Variants in TMEM114 observed in about 807,000 individuals in gnomAD.
TMEM114 encodes the protein claudin-26.
TMEM114 carries 6 observed loss-of-function variants against 6.2 expected under a neutral mutation model. The ratio of observed to expected loss-of-function variants is 0.97; its 90% CI spans 0.53 to 1.91. The LOEUF is 1.91. Among genes scored for constraint, TMEM114 ranks in the 40% most tolerant of loss-of-function variants. TMEM114 has a pLI of 0.01. For synonymous variants in TMEM114, 104 were observed against 73.0 expected, an observed-to-expected ratio of 1.42 and a Z score of -2.16; for missense variants, 218 against 158.3, an observed-to-expected ratio of 1.38 and a Z score of -2.02.
chr16:8,576,455 GT>G (rs898762531), intron 2 of TMEM114, among the ~76,000 whole-genome samples: 5 of 152,214 alleles, frequency 3.3e-5, no homozygotes, highest in African/African-American at 1.2e-4. Flanking sequence ...CTGCAGGGGT[GT>G]CCCCACTGGT....
chr16:8,535,278 T>C (rs1473150224), downstream of TMEM114, among the ~76,000 whole-genome samples: 2 of 152,224 alleles, frequency 1.3e-5, no homozygotes, highest in Non-Finnish European at 2.9e-5. Context: ...GGTTATTGTT[T>C]ATTAAGTAGC....
At chr16:8,532,825 G>A (rs1451700131), downstream of TMEM114, among the ~76,000 whole-genome samples, 1 of 152,128 alleles carries the variant, frequency 6.6e-6, no homozygotes, top group Non-Finnish European at 1.5e-5. Flanking sequence ...TCAGGAGGCT[G>A]AGGCAGGAGA....
intron 2 of TMEM114, among the ~76,000 whole-genome samples, chr16:8,542,505 T>C (rs978548789): frequency 6.6e-6 from 1 of 152,178 alleles, no homozygotes; most frequent in African/African-American, 2.4e-5. Context: ...TTGGGCCTGA[T>C]TGAGCTAGAC....
At chr16:8,536,473 A>G (rs572290209), downstream of TMEM114, among the ~76,000 whole-genome samples, 56 of 152,264 alleles carry the variant, frequency 3.7e-4, no homozygotes, top group African/African-American at 1.3e-3. Flanking sequence ...CGGTATCTCA[A>G]CATTAGGGAA....
chr16:8,539,229 G>A (rs949890822), intron 2 of TMEM114, among the ~76,000 whole-genome samples: 4 of 152,096 alleles, frequency 2.6e-5, no homozygotes, highest in African/African-American at 9.7e-5. Flanking sequence ...ACTGCCCTCA[G>A]GGTGCTTCCA....
chr16:8,583,924 C>A (rs1211765189), intron 2 of TMEM114, among the ~76,000 whole-genome samples: 1 of 152,182 alleles, frequency 6.6e-6, no homozygotes, highest in African/African-American at 2.4e-5. Flanking sequence ...TCCCAACCCA[C>A]TCCAGTTACA....
At chr16:8,578,846 G>A (rs115807441) in intron 2 of TMEM114, among the ~76,000 whole-genome samples, 2,960 of 152,214 alleles carry the variant, frequency 0.019, 106 homozygotes, top group African/African-American at 0.069. Flanking sequence ...GGGCTTGGTG[G>A]CACAGGCCTC....
chr16:8,579,011 C>T (rs868842134), intron 2 of TMEM114, among the ~76,000 whole-genome samples: 1 of 152,140 alleles, frequency 6.6e-6, no homozygotes, highest in East Asian at 1.9e-4. Context: ...TATTGGCAGG[C>T]CATTGTTTCA....
intron 2 of TMEM114, among the ~76,000 whole-genome samples, chr16:8,559,422 A>G (rs1596476041): frequency 6.6e-6 from 1 of 152,002 alleles, no homozygotes. Flanking sequence ...GAAAAAAACA[A>G]TGGCTGCTTC....
intron 2 of TMEM114, among the ~76,000 whole-genome samples, chr16:8,577,614 C>T (rs868044483): frequency 4.7e-5 from 7 of 150,220 alleles, no homozygotes; most frequent in Non-Finnish European, 8.9e-5. Context: ...GATTGAGTCT[C>T]GCTCTGTCAC....
intron 2 of TMEM114, among the ~76,000 whole-genome samples, chr16:8,557,853 T>G (rs890583695): frequency 6.6e-6 from 1 of 152,240 alleles, no homozygotes; most frequent in Non-Finnish European, 1.5e-5. Flanking sequence ...AATCTTGTGA[T>G]ATAGTGACTT....
At chr16:8,538,874 A>C (rs1219799727) in intron 2 of TMEM114, among the ~76,000 whole-genome samples, 1 of 152,150 alleles carries the variant, frequency 6.6e-6, no homozygotes, top group African/African-American at 2.4e-5. Context: ...ATTTAATTTG[A>C]ATACAGTAGA....
At chr16:8,541,386 C>A (rs1425288261) in intron 2 of TMEM114, among the ~76,000 whole-genome samples, 1 of 152,004 alleles carries the variant, frequency 6.6e-6, no homozygotes, top group Non-Finnish European at 1.5e-5. Context: ...AAACCAGGAC[C>A]TCCCCAAGCA....
At chr16:8,567,201 G>A (rs187952430), downstream of TMEM114, among the ~76,000 whole-genome samples, 185 of 152,054 alleles carry the variant, frequency 1.2e-3, 1 homozygote, top group Non-Finnish European at 3.1e-4. Flanking sequence ...GAGCCATGGC[G>A]CCCGGCCTCA....
intron 2 of TMEM114, among the ~76,000 whole-genome samples, chr16:8,550,774 A>T (rs1334502610): frequency 6.6e-6 from 1 of 151,152 alleles, no homozygotes; most frequent in Non-Finnish European, 1.5e-5. Context: ...CTGAATGTTC[A>T]CCTCCTGCCC....
the TMEM114 span, among the ~76,000 whole-genome samples, chr16:8,528,246 GCA>G: frequency 1.8e-4 from 6 of 32,968 alleles, no homozygotes; most frequent in South Asian, 3.7e-3. Context: ...CCCAAAATGC[GCA>G]CACACACACA....
At chr16:8,537,548 A>C (rs996180633), downstream of TMEM114, 2 of 152,232 alleles carry the variant, frequency 1.3e-5, no homozygotes, top group Non-Finnish European at 2.9e-5. Flanking sequence ...TATATATGAT[A>C]ATAAATCTGC....
chr16:8,559,526 A>C (rs1369942689), intron 2 of TMEM114, among the ~76,000 whole-genome samples: 1 of 152,214 alleles, frequency 6.6e-6, no homozygotes, highest in East Asian at 1.9e-4. Context: ...AGGAGGGAGC[A>C]AACTCCACCA....
At chr16:8,555,880 C>G (rs140257484) in intron 2 of TMEM114, among the ~76,000 whole-genome samples, 3 of 152,174 alleles carry the variant, frequency 2.0e-5, no homozygotes, top group Non-Finnish European at 2.9e-5. Context: ...TCACTAGTAC[C>G]AAGGTTGGGA....
Sources: gnomAD v4.1 joint callset for allele counts (sites outside exome capture counted in the v4.1 genomes callset) on GRCh38, gnomAD v4.1.1 for gene constraint, MANE v1.5 for transcripts, NCBI Gene and HGNC (gene_info 2026-07-23, HGNC 2026-07-21) for gene names.